NKX3-2: variants seen among roughly 807,000 people sequenced by gnomAD.
The protein encoded by NKX3-2 is NK3 homeobox 2.
Under a neutral mutation model 19.4 loss-of-function variants are expected in NKX3-2, and 13 were observed. The ratio of observed to expected loss-of-function variants is 0.67; its 90% CI spans 0.44 to 1.07. NKX3-2 has a LOEUF of 1.07. Among genes scored for constraint, NKX3-2 ranks in the 50% least tolerant of loss-of-function variants. NKX3-2 has a pLI of 0.00. For missense variants in NKX3-2, 562 were observed against 488.2 expected (o/e 1.15, Z -1.42); for synonymous variants, 269 against 230.5 (o/e 1.17, Z -1.51).
chr4:13,544,484 G>C lies in NKX3-2; in HGVS notation c.-70C>G. The C allele has an allele frequency of 8.6e-7, 1 of 1,167,906 alleles. No individual in the cohort carries two copies. Among genetic ancestry groups the C allele is most frequent in the East Asian group, 3.3e-5 (1 of 30,176 alleles). The allele number at this position is 1,167,906 out of a possible 1,614,324, so 72.3% of individuals were successfully genotyped here. The stretch of plus-strand genomic sequence containing the variant: ...GCCGAGCAGCTCCGAGCGGGACAGA[G>C]AGCGCCGGCGGCCGCAGCGCGAGTG... On this transcript the variant is annotated 5_prime_UTR_variant, in exon 1 of 2. Transcript: ENST00000382438.
chr4:13,545,294 C>A (rs1222694434), upstream of NKX3-2, among the ~76,000 whole-genome samples: 1 of 152,212 alleles, frequency 6.6e-6, no homozygotes, highest in Non-Finnish European at 1.5e-5. Flanking sequence ...ACGTTTCTTA[C>A]CTCTGCAGAT....
chr4:13,543,826 G>T lies in NKX3-2; in HGVS notation c.466+123C>A. The T allele has an allele frequency of 1.1e-6, 1 of 912,928 alleles. No homozygotes were observed. Among genetic ancestry groups the T allele is most frequent in the Non-Finnish European group, 1.6e-6 (1 of 637,222 alleles). 56.6% of individuals were successfully genotyped at this position (912,928 alleles called of 1,614,324 possible). A position where few individuals can be genotyped will look rare whatever the true frequency, so the allele number is the denominator to read the frequency against. On this transcript the variant is annotated intron_variant, in intron 1 of 1. Transcript: ENST00000382438. The surrounding 1 kb of genome is among the most constrained non-coding windows in gnomAD (Gnocchi z 7.1). ...GCTCGCGCCAGAGCGCAGAACTTCG[G>T]GATTTGGCCAGCCTCCGAGCCCCAG...
At chr4:13,544,533 C>T (rs1054352287), upstream of NKX3-2, 3 of 549,198 alleles carry the variant, frequency 5.5e-6, no homozygotes, top group African/African-American at 4.0e-5. Context: ...AGGCCGCCGC[C>T]GCCCACTGCT....
chr4:13,544,043 G>T lies in NKX3-2; in HGVS notation c.372C>A (p.Ser124Arg). Residue 124 changes from serine (S) to arginine (R), a missense_variant, in exon 1 of 2, where the codon AGC (serine) becomes AGA (arginine). By Grantham distance (110) the Ser-to-Arg change is moderately radical. Coordinates refer to ENST00000382438, the MANE Select transcript of NKX3-2 (RefSeq NM_001189.4). ...CCAGCTCACAGACCGGCTGGCCGAGGCTCAAGGATCCCCCCGCAAGGCCGG... is the reference window on the plus strand; with the variant it reads ...CCAGCTCACAGACCGGCTGGCCGAGTCTCAAGGATCCCCCCGCAAGGCCGG... ...SGAGLAGGSL[S>R]LGQPVCELAA... 3 of 1,566,344 alleles carry T rather than the reference G, an allele frequency of 1.9e-6. No individual in the cohort carries two copies. The highest frequency in any genetic ancestry group is 2.6e-6 in the Non-Finnish European group (3 of 1,159,026).
At chr4:13,546,802 C>A, upstream of NKX3-2, 2 of 399,228 alleles carry the variant, frequency 5.0e-6, no homozygotes, top group South Asian at 1.8e-5. Context: ...CCCTTTGATT[C>A]GATGTTTAAA....
In NKX3-2 at chr4:13,542,660, C is replaced by G; in HGVS notation, c.467-132G>C. The G allele has an allele frequency of 2.4e-5, 28 of 1,162,826 alleles. No homozygotes were observed. Among genetic ancestry groups the G allele is most frequent in the Non-Finnish European group, 3.5e-5 (28 of 802,178 alleles). The allele number at this position is 1,162,826 out of a possible 1,614,324, so 72.0% of individuals were successfully genotyped here. A position where few individuals can be genotyped will look rare whatever the true frequency, so the allele number is the denominator to read the frequency against. On this transcript the variant is annotated intron_variant, in intron 1 of 1. Coordinates refer to ENST00000382438, the MANE Select transcript of NKX3-2 (RefSeq NM_001189.4). This position sits in a 1 kb window ranked among gnomAD's most constrained non-coding sequence, Gnocchi z 6.4. ...GATCCCACTCAAGCGGAGCGGAGGT[C>G]TGGGAGGCCCTGGGCCCGGGAGACC...
rs1355385766 is a variant in NKX3-2 at position 13,544,422 on chromosome 4, G to A, written c.-8C>T. On this transcript the variant is annotated 5_prime_UTR_variant, in exon 1 of 2. Transcript: ENST00000382438. ...GGCGCCGCGCACAGCCATCTGCGCCGCGGGCAGGAGCGGCCGGCGGGGCGG... is the reference window on the plus strand; with the variant it reads ...GGCGCCGCGCACAGCCATCTGCGCCACGGGCAGGAGCGGCCGGCGGGGCGG... 1 of 1,492,614 alleles carries A rather than the reference G, an allele frequency of 6.7e-7. No individual in the cohort carries two copies. Among genetic ancestry groups the A allele is most frequent in the Admixed American group, 2.3e-5 (1 of 43,102 alleles). The allele number at this position is 1,492,614 out of a possible 1,614,324, so 92.5% of individuals were successfully genotyped here. A position where few individuals can be genotyped will look rare whatever the true frequency, so the allele number is the denominator to read the frequency against.
chr4:13,544,983 C>T (rs1333838250), upstream of NKX3-2: 3 of 152,290 alleles, frequency 2.0e-5, no homozygotes, highest in African/African-American at 7.2e-5. Flanking sequence ...TTTTTACCCC[C>T]TGCCCTGGTT....
At position 13,543,870 on chromosome 4, in the gene NKX3-2, C is replaced by G. The variant is rs1218470825; in HGVS notation, c.466+79G>C. On this transcript the variant is annotated intron_variant, in intron 1 of 1. Coordinates refer to ENST00000382438, the MANE Select transcript of NKX3-2 (RefSeq NM_001189.4). The surrounding 1 kb of genome is among the most constrained non-coding windows in gnomAD (Gnocchi z 7.1). ...GCCCCAGGGCGCAGGGTGCTCAAGCCGACCACCCCACTCGGCGTGGTTGCC... is the reference window on the plus strand; with the variant it reads ...GCCCCAGGGCGCAGGGTGCTCAAGCGGACCACCCCACTCGGCGTGGTTGCC... The G allele has an allele frequency of 6.9e-6, 9 of 1,304,606 alleles. No homozygotes were observed. The highest frequency in any genetic ancestry group is 1.5e-5 in the African/African-American group (1 of 64,522). The allele number at this position is 1,304,606 out of a possible 1,614,324, so 80.8% of individuals were successfully genotyped here. A position where few individuals can be genotyped will look rare whatever the true frequency, so the allele number is the denominator to read the frequency against.
At position 13,543,242 on chromosome 4, in the gene NKX3-2, T is replaced by G. The variant is rs1289585011; in HGVS notation, c.466+707A>C. ...GAAAGGTCCAGCGGTCCCCTGTGCTTGAGGCCTACAGAAGCTTGTACCCAA... is the reference window on the plus strand; with the variant it reads ...GAAAGGTCCAGCGGTCCCCTGTGCTGGAGGCCTACAGAAGCTTGTACCCAA... On this transcript the variant is annotated intron_variant, in intron 1 of 1. Transcript: ENST00000382438. This position sits in a 1 kb window ranked among gnomAD's most constrained non-coding sequence, Gnocchi z 7.1. Among the ~76,000 whole-genome samples, 2 of 152,038 alleles carry G rather than the reference T, an allele frequency of 1.3e-5. No homozygotes were observed. The highest frequency in any genetic ancestry group is 2.9e-5 in the Non-Finnish European group (2 of 68,010).
chr4:13,547,096 T>G (rs185887776), upstream of NKX3-2: 1,298 of 456,292 alleles, frequency 2.8e-3, 7 homozygotes, highest in Non-Finnish European at 2.5e-3. Context: ...TCGCGGGTCT[T>G]GAGCTGCAAC....
rs1201193951 is a variant in NKX3-2, at chr4:13,543,955, C to T, written c.460G>A (p.Val154Ile). The T allele has an allele frequency of 6.5e-7, 1 of 1,545,900 alleles. No individual in the cohort carries two copies. ...CCGCGAAGCCGCAGCAGACCTGAGACGCTGGCGGACATCTCGCTGTCGCTC... is the reference window on the plus strand; with the variant it reads ...CCGCGAAGCCGCAGCAGACCTGAGATGCTGGCGGACATCTCGCTGTCGCTC... The part of the protein sequence containing the change: ...GRSDSEMSAS[V>I]SGDRSPRTED... Residue 154 changes from valine (V) to isoleucine (I), a missense_variant, in exon 1 of 2, where the codon GTC becomes ATC. By Grantham distance (29) the Val-to-Ile change is conservative. Coordinates refer to ENST00000382438, the MANE Select transcript of NKX3-2 (RefSeq NM_001189.4). This position sits in a 1 kb window ranked among gnomAD's most constrained non-coding sequence, Gnocchi z 7.1.
chr4:13,542,541 G>C lies in NKX3-2; in HGVS notation c.467-13C>G. ...GGGCTGCGGTCGCCTGCGGACCCCGGTGGGAACAGAAACAAGAGACTGTCA... is the reference window on the plus strand; with the variant it reads ...GGGCTGCGGTCGCCTGCGGACCCCGCTGGGAACAGAAACAAGAGACTGTCA... On this transcript the variant is annotated splice_polypyrimidine_tract_variant and intron_variant, in intron 1 of 1. Coordinates refer to ENST00000382438, the MANE Select transcript of NKX3-2 (RefSeq NM_001189.4). The surrounding 1 kb of genome is among the most constrained non-coding windows in gnomAD (Gnocchi z 6.4). The C allele has an allele frequency of 1.9e-6, 3 of 1,596,366 alleles. No homozygotes were observed. The highest frequency in any genetic ancestry group is 2.5e-6 in the Non-Finnish European group (3 of 1,179,598).
rs560259424 is a variant in NKX3-2, at chr4:13,543,037, C to T, written c.467-509G>A. On this transcript the variant is annotated intron_variant, in intron 1 of 1. Transcript: ENST00000382438. The surrounding 1 kb of genome is among the most constrained non-coding windows in gnomAD (Gnocchi z 7.1). Reference sequence around the variant, plus strand: ...TCCTGGGGCCAAAGGTATTTAGAATCTTTCACCCTCAGCCGCCTGGGATTG... The same window carrying T: ...TCCTGGGGCCAAAGGTATTTAGAATTTTTCACCCTCAGCCGCCTGGGATTG... 6.6e-6 allele frequency among the ~76,000 whole-genome samples: 1 copy of T among 152,044 alleles called. No individual in the cohort carries two copies. Among genetic ancestry groups the T allele is most frequent in the Non-Finnish European group, 1.5e-5 (1 of 68,016 alleles).
chr4:13,544,428 A>G lies in NKX3-2; in HGVS notation c.-14T>C. 6.7e-7 allele frequency: 1 copy of G among 1,486,976 alleles called. No homozygotes were observed. The highest frequency in any genetic ancestry group is 8.9e-7 in the Non-Finnish European group (1 of 1,126,950). 92.1% of individuals were successfully genotyped at this position (1,486,976 alleles called of 1,614,324 possible). ...GCGCACAGCCATCTGCGCCGCGGGC[A>G]GGAGCGGCCGGCGGGGCGGGCAGCT... On this transcript the variant is annotated 5_prime_UTR_variant, in exon 1 of 2. Coordinates refer to ENST00000382438, the MANE Select transcript of NKX3-2 (RefSeq NM_001189.4).
At chr4:13,545,763 T>A (rs200422346), upstream of NKX3-2, among the ~76,000 whole-genome samples, 22 of 152,322 alleles carry the variant, frequency 1.4e-4, no homozygotes, top group African/African-American at 3.1e-4. Context: ...TTGTTTTTTT[T>A]AAATATCTCT....
At chr4:13,547,319 G>C, upstream of NKX3-2, 1 of 446,768 alleles carries the variant, frequency 2.2e-6, no homozygotes, top group South Asian at 1.6e-5. Flanking sequence ...CCTGCCCATC[G>C]AGGGCGACTT....
Position 13,544,343 on chromosome 4 carries a change from G to T in NKX3-2, c.72C>A (p.Arg24=). Residue 24 remains arginine, a synonymous_variant, in exon 1 of 2, where the codon CGC becomes CGA. Coordinates refer to ENST00000382438, the MANE Select transcript of NKX3-2 (RefSeq NM_001189.4). The stretch of plus-strand genomic sequence containing the variant: ...GCCCCTCTGGCGCGGCCAGCCCGCC[G>T]CGCTCCTCTTTCTTGTTGAGGATCG... The part of the protein sequence containing the change: ...IQAILNKKEE[R]GGLAAPEGRP... 1.3e-6 allele frequency: 2 copies of T among 1,536,154 alleles called. No individual in the cohort carries two copies.
upstream of NKX3-2, chr4:13,544,509 G>A (rs889916264): frequency 1.1e-5 from 10 of 884,232 alleles, no homozygotes; most frequent in Non-Finnish European, 1.3e-5. Context: ...CAGCGCGAGT[G>A]AGCTGGGTGT....
Sources: gnomAD v4.1 joint callset for allele counts (sites outside exome capture counted in the v4.1 genomes callset) on GRCh38, gnomAD v4.1.1 for gene constraint, Gnocchi (gnomAD v3.1) non-coding constraint, MANE v1.5 for transcripts, NCBI Gene and HGNC (gene_info 2026-07-23, HGNC 2026-07-21) for gene names.